Variants in BRI3 observed in about 807,000 individuals in gnomAD.
The protein encoded by BRI3 is membrane protein BRI3.
In BRI3, 6 loss-of-function variants were observed where a neutral mutation model predicts 12.8. The ratio of observed to expected loss-of-function variants is 0.47; its 90% CI spans 0.26 to 0.93. The LOEUF is 0.93. Ranked by LOEUF, BRI3 falls within the 40% of genes least tolerant of loss-of-function variation. The pLI is 0.15. For missense variants in BRI3, 134 were observed against 171.1 expected (o/e 0.78, Z 1.21); for synonymous variants, 91 against 76.1 (o/e 1.20, Z -1.02).
downstream of BRI3, chr7:98,294,100 G>A (rs547173009): frequency 7.1e-5 from 114 of 1,614,044 alleles, no homozygotes; most frequent in South Asian, 1.1e-4. Flanking sequence ...TTGCAGTCCC[G>A]TTGGCATCGT....
chr7:98,307,857 A>G (rs548162860), exon 2 of BRI3: 3 of 1,614,202 alleles, frequency 1.9e-6, no homozygotes, highest in South Asian at 2.2e-5. Context: ...TCCCGTTGCA[A>G]CCGAAACTGA....
At chr7:98,292,627 G>A (rs756775334), downstream of BRI3, 67 of 1,551,458 alleles carry the variant, frequency 4.3e-5, 1 homozygote, top group African/African-American at 3.1e-4. Flanking sequence ...TGAAAAACCC[G>A]CCCTTCTCCA....
chr7:98,292,951 G>C, downstream of BRI3: 1 of 1,237,014 alleles, frequency 8.1e-7, no homozygotes, highest in Non-Finnish European at 1.0e-6. Context: ...GCTCTGGCGT[G>C]GTTGGAGGGA....
chr7:98,290,811 A>G (rs1434995902), intron 2 of BRI3, among the ~76,000 whole-genome samples: 3 of 152,230 alleles, frequency 2.0e-5, no homozygotes, highest in Non-Finnish European at 4.4e-5. Context: ...TTGCCTTTCA[A>G]GGTTAACTGA....
chr7:98,307,537 T>G, exon 2 of BRI3: 1 of 1,456,866 alleles, frequency 6.9e-7, no homozygotes, highest in Non-Finnish European at 9.0e-7. Context: ...TAGCCTGGGA[T>G]CGAATAACTT....
At chr7:98,318,958 A>AG in the BRI3 span, among the ~76,000 whole-genome samples, 1 of 151,776 alleles carries the variant, frequency 6.6e-6, no homozygotes, top group Non-Finnish European at 1.5e-5. Flanking sequence ...AAAAAAAAAA[A>AG]AAAAGAATGG....
Position 98,307,784 on chromosome 7 carries a change from C to A in BRI3, n.414C>A, listed in dbSNP as rs778447462. On this transcript the variant is annotated non_coding_transcript_exon_variant, in exon 2 of 2. Coordinates refer to the BRI3 transcript ENST00000485422. The stretch of plus-strand genomic sequence containing the variant: ...CTCCCTGTGCAAAGCTGAGTAAGGT[C>A]TTGTTGGAGCCCGCAGTGTGCGGGA... The A allele has an allele frequency of 6.9e-5, 111 of 1,614,140 alleles. 1 individual carries two copies. The highest frequency in any genetic ancestry group is 6.5e-4 in the South Asian group (59 of 91,088).
At chr7:98,285,173 G>A (rs1043956743) in intron 2 of BRI3, among the ~76,000 whole-genome samples, 1 of 152,220 alleles carries the variant, frequency 6.6e-6, no homozygotes, top group Non-Finnish European at 1.5e-5. Flanking sequence ...CCTAGGGAAG[G>A]TGAAAAGAAC....
the BRI3 span, among the ~76,000 whole-genome samples, chr7:98,317,633 C>T: frequency 1.3e-5 from 2 of 152,004 alleles, no homozygotes; most frequent in Non-Finnish European, 2.9e-5. Context: ...GACCCTCACC[C>T]TGCAGTTCAC....
upstream of BRI3, among the ~76,000 whole-genome samples, chr7:98,302,746 A>ATGGAGCTGATT (rs1800480860): frequency 6.6e-6 from 1 of 152,214 alleles, no homozygotes; most frequent in African/African-American, 2.4e-5. Context: ...ATTATAATGT[A>ATGGAGCTGATT]TGGAGCTGAT....
downstream of BRI3, chr7:98,293,448 G>C: frequency 7.2e-7 from 1 of 1,393,268 alleles, no homozygotes; most frequent in East Asian, 2.3e-5. Context: ...CCGTCAGCAC[G>C]TGGCAGACAG....
At chr7:98,294,213 G>C, downstream of BRI3, 2 of 1,235,068 alleles carry the variant, frequency 1.6e-6, no homozygotes, top group Non-Finnish European at 2.3e-6. Flanking sequence ...GGCTGGTTTC[G>C]AACTCCTGAG....
the BRI3 span, chr7:98,315,625 A>AAAT: frequency 8.0e-5 from 91 of 1,131,206 alleles, 1 homozygote; most frequent in Admixed American, 2.6e-4. Flanking sequence ...AAAAAAAAAA[A>AAAT]AATAATAATA....
chr7:98,287,875 C>G (rs957807360), intron 2 of BRI3, among the ~76,000 whole-genome samples: 1 of 152,216 alleles, frequency 6.6e-6, no homozygotes, highest in African/African-American at 2.4e-5. Flanking sequence ...GCCGGGCTCC[C>G]CACCCACACC....
At chr7:98,294,105 C>T (rs752773992), downstream of BRI3, 4 of 1,613,984 alleles carry the variant, frequency 2.5e-6, no homozygotes, top group South Asian at 4.4e-5. Flanking sequence ...GTCCCGTTGG[C>T]ATCGTTCTGT....
chr7:98,294,660 G>C (rs73147339), downstream of BRI3, among the ~76,000 whole-genome samples: 2 of 152,302 alleles, frequency 1.3e-5, no homozygotes, highest in South Asian at 2.1e-4. Context: ...CCTCAGCCAC[G>C]GTCTTTTGAA....
At chr7:98,306,471 A>C (rs746282005), upstream of BRI3, 12 of 1,613,950 alleles carry the variant, frequency 7.4e-6, no homozygotes, top group Non-Finnish European at 1.0e-5. Flanking sequence ...CTTCTGTCTC[A>C]TTTTCTTCCA....
chr7:98,310,941 C>T, downstream of BRI3, among the ~76,000 whole-genome samples: 1 of 152,054 alleles, frequency 6.6e-6, no homozygotes, highest in Non-Finnish European at 1.5e-5. Context: ...CCGCCTAGGC[C>T]TCCCAAAGTG....
chr7:98,290,308 G>C (rs900854621), intron 2 of BRI3, among the ~76,000 whole-genome samples: 3 of 148,650 alleles, frequency 2.0e-5, no homozygotes, highest in African/African-American at 7.5e-5. Flanking sequence ...CCATTCTCCT[G>C]CCTCAGCCTC....
Sources: gnomAD v4.1 joint callset for allele counts (sites outside exome capture counted in the v4.1 genomes callset) on GRCh38, gnomAD v4.1.1 for gene constraint, MANE v1.5 for transcripts, NCBI Gene and HGNC (gene_info 2026-07-23, HGNC 2026-07-21) for gene names.